DOCK9: variants seen among roughly 807,000 people sequenced by gnomAD.
DOCK9 encodes the protein dedicator of cytokinesis protein 9.
Under a neutral mutation model 263.3 loss-of-function variants are expected in DOCK9, and 89 were observed. That is an observed-to-expected ratio of 0.34 (90% CI 0.28 to 0.40). The LOEUF (loss-of-function observed/expected upper bound fraction) is 0.40, where lower values mean the gene tolerates loss of function less well. Among genes scored for constraint, DOCK9 ranks in the 10% least tolerant of loss-of-function variants. The pLI, the probability that DOCK9 is intolerant of heterozygous loss-of-function variation, is 1.00. For synonymous variants in DOCK9, 976 were observed against 973.1 expected (o/e 1.00, Z -0.06); for missense variants, 2,140 against 2,603.4 (o/e 0.82, Z 3.87).
At chr13:98,836,308 G>A (rs2092997837) in intron 39 of DOCK9, among the ~76,000 whole-genome samples, 1 of 152,166 alleles carries the variant, frequency 6.6e-6, no homozygotes, top group Non-Finnish European at 1.5e-5. Context: ...ATACAGGTGT[G>A]CATGGCCAGA....
chr13:98,922,314 AGC>A (rs758283348), intron 5 of DOCK9, among the ~76,000 whole-genome samples, 168 bp from the exon 6 acceptor site: 2 of 152,216 alleles, frequency 1.3e-5, no homozygotes, highest in Non-Finnish European at 2.9e-5. Flanking sequence ...AAGTCCACTT[AGC>A]GGTGAAAGAG....
At chr13:98,937,786 C>A (rs1485935477) in intron 2 of DOCK9, among the ~76,000 whole-genome samples, 1 of 151,054 alleles carries the variant, frequency 6.6e-6, no homozygotes, top group Non-Finnish European at 1.5e-5. Flanking sequence ...GTGAAATTTA[C>A]AACTGTCTCC....
At chr13:99,066,342 TA>T (rs2041415136) in intron 1 of DOCK9, among the ~76,000 whole-genome samples, 2 of 141,836 alleles carry the variant, frequency 1.4e-5, no homozygotes, top group South Asian at 2.4e-4. Context: ...CTATGGAGCT[TA>T]AAAAAAGACT....
At chr13:99,045,092 G>C (rs1046075476) in intron 1 of DOCK9, among the ~76,000 whole-genome samples, 1 of 152,200 alleles carries the variant, frequency 6.6e-6, no homozygotes, top group Non-Finnish European at 1.5e-5. Flanking sequence ...GTGGAAAACA[G>C]TATGGGGGTT....
intron 1 of DOCK9, among the ~76,000 whole-genome samples, chr13:99,073,360 T>TTCTCTCTCTCCTCTCTC (rs1555307595): frequency 7.8e-5 from 11 of 141,300 alleles, no homozygotes; most frequent in Admixed American, 2.2e-4. Flanking sequence ...TCTTCTTCTT[T>TTCTCTCTCTCCTCTCTC]TCTCTCTCTC....
At chr13:98,958,627 A>C (rs2058329443) in intron 1 of DOCK9, among the ~76,000 whole-genome samples, 1 of 152,264 alleles carries the variant, frequency 6.6e-6, no homozygotes, top group Non-Finnish European at 1.5e-5. Context: ...TTATTTATAA[A>C]AACAGGCAGC....
chr13:99,008,933 A>G (rs1202496000), intron 1 of DOCK9, among the ~76,000 whole-genome samples: 2 of 152,234 alleles, frequency 1.3e-5, no homozygotes, highest in Non-Finnish European at 2.9e-5. Flanking sequence ...ATAGGGAGGT[A>G]GGGGACACAA....
chr13:98,814,407 T>TG (rs1350322862), intron 45 of DOCK9, among the ~76,000 whole-genome samples: 1 of 24,438 alleles, frequency 4.1e-5, no homozygotes, highest in Non-Finnish European at 1.3e-4. Flanking sequence ...GAAGTACGTC[T>TG]TTTTTTTTTT....
At chr13:98,889,283 G>A (rs1484446223) in intron 15 of DOCK9, among the ~76,000 whole-genome samples, 1 of 152,006 alleles carries the variant, frequency 6.6e-6, no homozygotes, top group African/African-American at 2.4e-5. Context: ...CTACACATTG[G>A]GTACAGTGTA....
rs1233268084 is a variant in DOCK9, at chr13:99,008,234, A to ATATTTT, written c.130-52684_130-52683insAAAATA. On this transcript the variant is annotated intron_variant, in intron 1 of 32. Transcript: ENST00000427887. ...TCTCTATATATATATATATATATAT[A>ATATTTT]TTTTTTTTTTTTTTTGAGACGAAGT... Among the ~76,000 whole-genome samples, 374 of 93,884 alleles carry ATATTTT rather than the reference A, an allele frequency of 4.0e-3. 6 individuals are homozygous for ATATTTT. Among genetic ancestry groups the ATATTTT allele is most frequent in the Admixed American group, 0.021 (158 of 7,530 alleles). 61.6% of individuals were successfully genotyped at this position (93,884 alleles called of 152,430 possible).
intron 45 of DOCK9, among the ~76,000 whole-genome samples, chr13:98,819,153 C>T (rs1055111252): frequency 7.9e-5 from 12 of 152,228 alleles, no homozygotes; most frequent in Middle Eastern, 3.4e-3. Context: ...TACAGATTCC[C>T]GGGCCCCACA....
chr13:98,839,401 AAAAC>A (rs1256708070), intron 38 of DOCK9, among the ~76,000 whole-genome samples: 4 of 152,254 alleles, frequency 2.6e-5, no homozygotes, highest in African/African-American at 9.6e-5. Context: ...ATGAAAGAGG[AAAAC>A]AAACAGGTCG....
intron 1 of DOCK9, among the ~76,000 whole-genome samples, chr13:98,993,733 T>C (rs2141737692): frequency 6.6e-6 from 1 of 152,352 alleles, no homozygotes; most frequent in South Asian, 2.1e-4. Flanking sequence ...AGAGCGAGAC[T>C]CCGTCTCAAA....
chr13:98,949,884 T>C, intron 2 of DOCK9: 1 of 483,112 alleles, frequency 2.1e-6, no homozygotes. Context: ...GGCAATTTCA[T>C]GTATGAGGTC....
In DOCK9 at chr13:98,885,049, C is replaced by T. The variant is rs1212499309; in HGVS notation, c.2304G>A (p.Val768=). Residue 768 remains valine, a synonymous_variant, in exon 21 of 53, where the codon GTG becomes GTA. Coordinates refer to ENST00000682017, the MANE Select transcript of DOCK9 (RefSeq NM_001366683.2). ...AGACCGGGATGTGCTGCTCGCTTGT[C>T]ACCACCCTTCCGTCTTTCAGGAGGG... ...WLPLLKDGRV[V]TSEQHIPVSA... is the part of the protein sequence containing the mutation. 5 of 1,613,664 alleles carry T rather than the reference C, an allele frequency of 3.1e-6. No individual in the cohort carries two copies. The highest frequency in any genetic ancestry group is 4.2e-6 in the Non-Finnish European group (5 of 1,179,810).
At chr13:98,800,216 G>A in intron 50 of DOCK9, 72 bp downstream of exon 50, 1 of 1,463,774 alleles carries the variant, frequency 6.8e-7, no homozygotes, top group Non-Finnish European at 9.1e-7. Flanking sequence ...CCTTGTTAGT[G>A]GAAACGACTC....
At chr13:98,857,848 A>C (rs2141761716) in intron 33 of DOCK9, 1 of 152,366 alleles carries the variant, frequency 6.6e-6, no homozygotes, top group African/African-American at 2.4e-5. Context: ...AGGGACAGGT[A>C]AAAACCCTGT....
In DOCK9 at chr13:98,977,795, C is replaced by T. The variant is rs1411847677; in HGVS notation, c.115G>A (p.Gly39Ser). Reference protein sequence around the residue: ...AQGEVEAESPGPVPAKPKLIE... With the variant: ...AQGEVEAESPSPVPAKPKLIE... ...CGAGACCCTCTTACCGGCACAGGGCCCGGGCTCTCTGCTTCCACTTCGCCC... is the reference window on the plus strand; with the variant it reads ...CGAGACCCTCTTACCGGCACAGGGCTCGGGCTCTCTGCTTCCACTTCGCCC... The change falls in exon 1 of 53, where the codon GGC becomes AGC. Residue 39 changes from glycine to serine, a missense_variant. Transcript: ENST00000682017. 6.2e-7 allele frequency: 1 copy of T among 1,611,928 alleles called. No homozygotes were observed. The highest frequency in any genetic ancestry group is 8.5e-7 in the Non-Finnish European group (1 of 1,179,124).
chr13:98,954,219 T>C (rs1401103932), intron 2 of DOCK9, among the ~76,000 whole-genome samples: 1 of 150,514 alleles, frequency 6.6e-6, no homozygotes, highest in African/African-American at 2.5e-5. Context: ...ACTTTTGGAA[T>C]CAAACAACAA....
Sources: allele counts gnomAD v4.1 joint callset (sites outside exome capture counted in the v4.1 genomes callset), GRCh38; gene constraint gnomAD v4.1.1; transcripts MANE v1.5; gene names NCBI Gene and HGNC (gene_info 2026-07-23, HGNC 2026-07-21).